MAX: variants seen among roughly 807,000 people sequenced by gnomAD.
The protein encoded by MAX is MYC associated transcriptional regulator X, also known as protein max.
In MAX, 3 loss-of-function variants were observed where a neutral mutation model predicts 22.3. That is an observed-to-expected ratio of 0.13 (90% CI 0.06 to 0.35). MAX has a LOEUF of 0.35. Among genes scored for constraint, MAX ranks in the 10% least tolerant of loss-of-function variants. The probability of loss-of-function intolerance (pLI) is 1.00; values close to 1 mark genes in which losing one functional copy is unlikely to be tolerated. For synonymous variants in MAX, 72 were observed against 77.7 expected (o/e 0.93, Z 0.39); for missense variants, 119 against 209.4 (o/e 0.57, Z 2.66).
Position 65,077,069 on chromosome 14 carries a change from C to T in MAX, c.296-406G>A, listed in dbSNP as rs1293134091. On this transcript the variant is annotated intron_variant, in intron 4 of 4. Transcript: ENST00000358664. This position sits in a 1 kb window ranked among gnomAD's most constrained non-coding sequence, Gnocchi z 6.3. ...AACAGCAGGAAAGGATGACATAAGA[C>T]GTATCAGCCAAAGAACAGTTTTGGC... The T allele has an allele frequency of 1.4e-5, 8 of 564,684 alleles. No homozygotes were observed. The highest frequency in any genetic ancestry group is 6.3e-5 in the South Asian group (3 of 47,846). The allele number at this position is 564,684 out of a possible 1,614,324, so 35.0% of individuals were successfully genotyped here.
intron 3 of MAX, among the ~76,000 whole-genome samples, chr14:65,050,068 G>A (rs1398972835): frequency 2.0e-5 from 3 of 152,102 alleles, no homozygotes; most frequent in Non-Finnish European, 4.4e-5. Context: ...GGAGAAAATA[G>A]ATGCAGCATA....
At chr14:65,056,825 T>C (rs1033526651) in intron 3 of MAX, among the ~76,000 whole-genome samples, 2 of 152,236 alleles carry the variant, frequency 1.3e-5, no homozygotes, top group African/African-American at 4.8e-5. Flanking sequence ...TATAAGAGAA[T>C]ACCTGAGACT....
At chr14:65,085,900 G>A (rs2063321606) in intron 3 of MAX, among the ~76,000 whole-genome samples, 1 of 152,086 alleles carries the variant, frequency 6.6e-6, no homozygotes, top group Non-Finnish European at 1.5e-5. Flanking sequence ...GGGTTGATAT[G>A]GTTTGGCTGT....
intron 3 of MAX, among the ~76,000 whole-genome samples, chr14:65,025,268 T>A (rs1379775435): frequency 1.3e-5 from 2 of 152,198 alleles, no homozygotes; most frequent in Non-Finnish European, 2.9e-5. Context: ...TCGGCACGAT[T>A]CTATCTTAGG....
At chr14:65,083,942 C>A in intron 3 of MAX, 2 of 1,354,882 alleles carry the variant, frequency 1.5e-6, no homozygotes. Context: ...TTTGGATCCA[C>A]ATTAAACTAG....
At position 65,032,614 on chromosome 14, in the gene MAX, G is replaced by A. The variant is rs755094258; in HGVS notation, c.172-26330C>T. The A allele has an allele frequency of 1.5e-5, 24 of 1,613,308 alleles. No homozygotes were observed. Among genetic ancestry groups the A allele is most frequent in the African/African-American group, 2.7e-5 (2 of 74,916 alleles). On this transcript the variant is annotated intron_variant, in intron 3 of 3. Transcript: ENST00000341653. The surrounding 1 kb of genome is among the most constrained non-coding windows in gnomAD (Gnocchi z 5.0). ...TTCCCGTTTCTGTCTTTCCAGAAGC[G>A]CATACTGTGCTGCCTCCGTAGCCTC...
At position 65,084,270 on chromosome 14, in the gene MAX, A is replaced by G. The variant is rs777799125; in HGVS notation, c.172-6234T>C. ...TCAAACTTTGACGATGAAGGACAGG[A>G]GTACACAATTTCCAAAAGAGGAAAT... On this transcript the variant is annotated intron_variant, in intron 3 of 4. Transcript: ENST00000358664. This position sits in a 1 kb window ranked among gnomAD's most constrained non-coding sequence, Gnocchi z 4.3. 3 of 1,611,488 alleles carry G rather than the reference A, an allele frequency of 1.9e-6. No individual in the cohort carries two copies. The highest frequency in any genetic ancestry group is 2.5e-6 in the Non-Finnish European group (3 of 1,177,576).
intron 3 of MAX, among the ~76,000 whole-genome samples, chr14:65,006,724 C>T (rs1464572424): frequency 6.6e-6 from 1 of 152,228 alleles, no homozygotes; most frequent in Non-Finnish European, 1.5e-5. Flanking sequence ...TCCCTTTTCA[C>T]TTACCATCAG....
Position 65,040,293 on chromosome 14 carries a change from AT to A in MAX, c.172-34010del, listed in dbSNP as rs1269058088. On this transcript the variant is annotated intron_variant, in intron 3 of 3. Transcript: ENST00000341653. ...TGTATATATATGTGTGTATATATAT[AT>A]ATGTATATATATGTGTATATATGTA... Among the ~76,000 whole-genome samples, 4 of 149,272 alleles carry A rather than the reference AT, an allele frequency of 2.7e-5. No homozygotes were observed. In the Admixed American group the frequency reaches 2.7e-4, roughly 10 times the overall value.
chr14:65,024,633 G>T (rs2061947580), intron 3 of MAX, among the ~76,000 whole-genome samples: 1 of 152,174 alleles, frequency 6.6e-6, no homozygotes, highest in Non-Finnish European at 1.5e-5. Flanking sequence ...GCAGCTTTCA[G>T]TCATATTCTA....
intron 3 of MAX, among the ~76,000 whole-genome samples, chr14:65,034,061 AT>A (rs1325050148): frequency 6.6e-6 from 1 of 152,178 alleles, no homozygotes; most frequent in African/African-American, 2.4e-5. Context: ...GAGTTAATGG[AT>A]ATATCATGAA....
intron 3 of MAX, among the ~76,000 whole-genome samples, chr14:65,049,125 TAAAAA>T (rs59771962): frequency 7.2e-6 from 1 of 139,732 alleles, no homozygotes. Flanking sequence ...GGACTCCGTC[TAAAAA>T]AAAAAAAAAA....
intron 3 of MAX, among the ~76,000 whole-genome samples, chr14:65,040,295 A>G (rs2062318117): frequency 6.7e-6 from 1 of 149,174 alleles, no homozygotes; most frequent in African/African-American, 2.5e-5. Context: ...ATATATATAT[A>G]TGTATATATA....
At position 65,076,700 on chromosome 14, in the gene MAX, G is replaced by A; in HGVS notation, c.296-37C>T. On this transcript the variant is annotated intron_variant, in intron 4 of 4. Transcript: ENST00000358664. The surrounding 1 kb of genome is among the most constrained non-coding windows in gnomAD (Gnocchi z 6.6). ...CCAAGGGAGTGTGTTACTGCCTTCT[G>A]GAGACTTGGGGAGTAACCGAGTCTC... The A allele has an allele frequency of 6.2e-7, 1 of 1,613,252 alleles. No homozygotes were observed. The highest frequency in any genetic ancestry group is 8.5e-7 in the Non-Finnish European group (1 of 1,179,240).
At chr14:65,015,696 C>T in intron 3 of MAX, 1 of 1,614,110 alleles carries the variant, frequency 6.2e-7, no homozygotes. Context: ...ATGAACCCAT[C>T]CCCCAGATAG....
intron 3 of MAX, chr14:65,015,868 A>T: frequency 1.3e-6 from 1 of 770,548 alleles, no homozygotes; most frequent in Middle Eastern, 3.2e-4. Context: ...CAACTTCCTG[A>T]AACTCCTCCA....
intron 3 of MAX, chr14:65,090,105 T>A (rs1377823948): frequency 6.6e-6 from 1 of 152,174 alleles, no homozygotes; most frequent in African/African-American, 2.4e-5. Flanking sequence ...ATACCCTGCA[T>A]TTCAGTGTTA....
Position 65,084,049 on chromosome 14 carries a change from T to C in MAX, c.172-6013A>G, listed in dbSNP as rs1595142548. On this transcript the variant is annotated intron_variant, in intron 3 of 4. Coordinates refer to ENST00000358664, the MANE Select transcript of MAX (RefSeq NM_002382.5). The surrounding 1 kb of genome is among the most constrained non-coding windows in gnomAD (Gnocchi z 4.3). The stretch of plus-strand genomic sequence containing the variant: ...GACCCATGGCTCCTTGAAGGCTTCC[T>C]GCTGCCAGGGCCTCCCCAGCCACAG... 1.9e-6 allele frequency: 3 copies of C among 1,592,348 alleles called. No individual in the cohort carries two copies. The East Asian group carries it at 6.8e-5, about 36-fold the overall frequency.
intron 3 of MAX, among the ~76,000 whole-genome samples, chr14:65,039,814 T>C (rs1384538167): frequency 6.6e-6 from 1 of 152,186 alleles, no homozygotes. Flanking sequence ...TATTTTTTAA[T>C]AGTATACAGG....
Sources: allele counts gnomAD v4.1 joint callset (sites outside exome capture counted in the v4.1 genomes callset), GRCh38; gene constraint gnomAD v4.1.1; non-coding constraint Gnocchi (gnomAD v3.1); transcripts MANE v1.5; gene names NCBI Gene and HGNC (gene_info 2026-07-23, HGNC 2026-07-21).